MRPS6: variants seen among roughly 807,000 people sequenced by gnomAD.
MRPS6 encodes mitochondrial ribosomal protein S6.
MRPS6 carries 6 observed loss-of-function variants against 13.1 expected under a neutral mutation model. That is an observed-to-expected ratio of 0.46 (90% CI 0.25 to 0.91). MRPS6 has a LOEUF of 0.91. MRPS6 is among the 40% of genes least tolerant of loss of function. The pLI, the probability that MRPS6 is intolerant of heterozygous loss-of-function variation, is 0.18. For missense variants in MRPS6, 164 were observed against 155.6 expected (o/e 1.05, Z -0.29); for synonymous variants, 61 against 56.5 (o/e 1.08, Z -0.36).
chr21:34,141,235 G>A (rs2123280021), intron 2 of MRPS6, among the ~76,000 whole-genome samples: 2 of 152,300 alleles, frequency 1.3e-5, no homozygotes, highest in African/African-American at 4.8e-5. Context: ...TGGCAACTGT[G>A]CTTTAGTGGA....
At chr21:34,119,138 T>C (rs1284299257) in intron 1 of MRPS6, among the ~76,000 whole-genome samples, 1 of 152,200 alleles carries the variant, frequency 6.6e-6, no homozygotes, top group Non-Finnish European at 1.5e-5. Flanking sequence ...ATTCAATAAA[T>C]TGTTGGGCAA....
At position 34,142,390 on chromosome 21, in the gene MRPS6, G is replaced by A; in HGVS notation, c.186-18G>A. On this transcript the variant is annotated intron_variant, in intron 2 of 2. Coordinates refer to ENST00000399312, the MANE Select transcript of MRPS6 (RefSeq NM_032476.4). ...ACAATTCAAATGCAGACACTCACAA[G>A]TTTTTATTTTATTGCAGGTATTTCT... 1 of 1,552,176 alleles carries A rather than the reference G, an allele frequency of 6.4e-7. No homozygotes were observed. The highest frequency in any genetic ancestry group is 8.7e-7 in the Non-Finnish European group (1 of 1,153,000).
At chr21:34,113,023 AC>A (rs1425625902) in intron 1 of MRPS6, among the ~76,000 whole-genome samples, 1 of 152,078 alleles carries the variant, frequency 6.6e-6, no homozygotes. Context: ...AACAACAACA[AC>A]AAAAAACCAC....
At chr21:34,135,948 G>T in intron 2 of MRPS6, 1 of 410,322 alleles carries the variant, frequency 2.4e-6, no homozygotes. Context: ...AATCCTGCAG[G>T]GAAATGTCAC....
At chr21:34,095,067 A>T in intron 1 of MRPS6, 1 of 1,038,278 alleles carries the variant, frequency 9.6e-7, no homozygotes, top group Non-Finnish European at 1.3e-6. Flanking sequence ...AAGGACAAAG[A>T]CTTTGACCCT....
intron 2 of MRPS6, among the ~76,000 whole-genome samples, chr21:34,134,638 CCTT>C (rs1980623122): frequency 6.6e-6 from 1 of 152,204 alleles, no homozygotes; most frequent in Non-Finnish European, 1.5e-5. Context: ...TCCTCCTCCT[CCTT>C]CGATTCCTTC....
chr21:34,100,836 A>G (rs1451147990), intron 1 of MRPS6: 1 of 1,000,038 alleles, frequency 1.0e-6, no homozygotes. Context: ...CCTGTGGGTT[A>G]TTTTCATTCT....
At chr21:34,083,223 G>A (rs754950944) in intron 1 of MRPS6, among the ~76,000 whole-genome samples, 23 of 152,180 alleles carry the variant, frequency 1.5e-4, no homozygotes, top group Admixed American at 4.6e-4. Flanking sequence ...TCTCATTGTG[G>A]TGATCAGAAG....
At chr21:34,117,705 C>G (rs1013970519) in intron 1 of MRPS6, among the ~76,000 whole-genome samples, 1 of 152,186 alleles carries the variant, frequency 6.6e-6, no homozygotes, top group East Asian at 1.9e-4. Context: ...GCTTACATTT[C>G]TGATACCCGC....
intron 1 of MRPS6, among the ~76,000 whole-genome samples, chr21:34,087,236 C>T (rs527756280): frequency 6.7e-6 from 1 of 148,378 alleles, no homozygotes; most frequent in South Asian, 2.2e-4. Flanking sequence ...GATTGCAGAT[C>T]ACTGGTGGAG....
chr21:34,096,086 A>C lies in MRPS6; in HGVS notation c.45+22341A>C. 1.2e-6 allele frequency: 2 copies of C among 1,614,116 alleles called. No individual in the cohort carries two copies. The highest frequency in any genetic ancestry group is 1.7e-6 in the Non-Finnish European group (2 of 1,179,992). ...CAGCCAAAAACATTGCTCATGCCAA[A>C]GGCTCTACTCTTATGGCTGGCTTCT... On this transcript the variant is annotated intron_variant, in intron 1 of 2. Transcript: ENST00000399312. The surrounding 1 kb of genome is among the most constrained non-coding windows in gnomAD (Gnocchi z 5.9).
rs1399815222 is a variant in MRPS6 at position 34,098,036 on chromosome 21, GA to G, written c.45+24294del. ...CTTTCAAGTTTAAGTGAACCATACTGAAATGACCAACAAGTCTGCCTGTAAA... is the reference window on the plus strand; with the variant it reads ...CTTTCAAGTTTAAGTGAACCATACTGAATGACCAACAAGTCTGCCTGTAAA... On this transcript the variant is annotated intron_variant, in intron 1 of 2. Coordinates refer to ENST00000399312, the MANE Select transcript of MRPS6 (RefSeq NM_032476.4). The G allele has an allele frequency of 8.0e-6, 8 of 998,742 alleles. No individual in the cohort carries two copies. In the South Asian group the frequency reaches 2.4e-4, roughly 29 times the overall value. 61.9% of individuals were successfully genotyped at this position (998,742 alleles called of 1,614,324 possible).
chr21:34,077,064 CT>C (rs1989349821), intron 1 of MRPS6, among the ~76,000 whole-genome samples: 2 of 152,214 alleles, frequency 1.3e-5, no homozygotes, highest in South Asian at 4.1e-4. Context: ...CCTGCCCCCC[CT>C]GCAATGAGAA....
At chr21:34,125,531 G>A (rs1980274143) in intron 2 of MRPS6, 51 bp downstream of exon 2, 3 of 1,601,166 alleles carry the variant, frequency 1.9e-6, no homozygotes, top group South Asian at 2.2e-5. Context: ...GCTCAGTAAA[G>A]AGTACTGTTC....
chr21:34,091,220 T>G (rs551699360), intron 1 of MRPS6, among the ~76,000 whole-genome samples: 2 of 151,150 alleles, frequency 1.3e-5, no homozygotes, highest in East Asian at 2.0e-4. Context: ...AAGAGGTGGT[T>G]GTTTGGTCAC....
At chr21:34,105,165 T>C in intron 1 of MRPS6, 2 of 1,000,280 alleles carry the variant, frequency 2.0e-6, no homozygotes, top group South Asian at 9.4e-5. Flanking sequence ...CCCCCACTGT[T>C]ACTGCTTCAG....
At position 34,076,596 on chromosome 21, in the gene MRPS6, TTTA is replaced by T. The variant is rs549156502; in HGVS notation, c.45+2854_45+2856del. Among the ~76,000 whole-genome samples the T allele has an allele frequency of 3.6e-4, 55 of 152,342 alleles. No homozygotes were observed. The South Asian group carries it at 5.4e-3, about 15-fold the overall frequency. On this transcript the variant is annotated intron_variant, in intron 1 of 2. Coordinates refer to ENST00000399312, the MANE Select transcript of MRPS6 (RefSeq NM_032476.4). ...GTTAACTAGTGTTTCTAAGAAGAAA[TTTA>T]TTTTCAAGTACCATATAGCTTGATT...
At chr21:34,124,451 C>G (rs1980229642) in intron 1 of MRPS6, 1 of 151,630 alleles carries the variant, frequency 6.6e-6, no homozygotes, top group Admixed American at 6.6e-5. Context: ...AAGTTTAATT[C>G]ACCATCCAGT....
intron 2 of MRPS6, chr21:34,135,488 A>G (rs1980662567): frequency 2.0e-6 from 1 of 503,564 alleles, no homozygotes; most frequent in Non-Finnish European, 4.0e-6. Context: ...ATGGCAAAGG[A>G]GTTGGAGGAG....
Sources: gnomAD v4.1 joint callset for allele counts (sites outside exome capture counted in the v4.1 genomes callset) on GRCh38, gnomAD v4.1.1 for gene constraint, Gnocchi (gnomAD v3.1) non-coding constraint, MANE v1.5 for transcripts, NCBI Gene and HGNC (gene_info 2026-07-23, HGNC 2026-07-21) for gene names.